The following ERBB4 variants were observed in gnomAD, a reference collection of about 807,000 sequenced individuals.
The protein encoded by ERBB4 is erb-b2 receptor tyrosine kinase 4, also known as receptor tyrosine-protein kinase erbB-4.
A neutral mutation model predicts 158.0 loss-of-function variants in ERBB4; 42 were observed. The observed-to-expected ratio is 0.27, with a 90% CI of 0.21 to 0.34. The LOEUF (loss-of-function observed/expected upper bound fraction) is 0.34. ERBB4 is among the 10% of genes least tolerant of loss of function. ERBB4 has a pLI of 1.00. For missense variants in ERBB4, 1,333 were observed against 1,624.1 expected (o/e 0.82, Z 3.08); for synonymous variants, 583 against 558.7 (o/e 1.04, Z -0.61).
intron 2 of ERBB4, among the ~76,000 whole-genome samples, chr2:211,959,916 A>G (rs2125171263): frequency 6.6e-6 from 1 of 152,196 alleles, no homozygotes; most frequent in East Asian, 1.9e-4. Context: ...CAACGATGGA[A>G]CCATGATTAA....
chr2:212,337,032 A>C (rs937556691), intron 1 of ERBB4, among the ~76,000 whole-genome samples: 2 of 152,102 alleles, frequency 1.3e-5, no homozygotes, highest in African/African-American at 4.8e-5. Flanking sequence ...TAATTCCATC[A>C]GTTTCTTAAG....
chr2:211,978,363 A>AATCT (rs1553523369), intron 2 of ERBB4, among the ~76,000 whole-genome samples: 83 of 135,256 alleles, frequency 6.1e-4, no homozygotes, highest in African/African-American at 2.0e-3. Flanking sequence ...AAGGAGTCTG[A>AATCT]GTCTGTCTGT....
At chr2:212,450,660 T>C (rs1187572434) in intron 1 of ERBB4, among the ~76,000 whole-genome samples, 1 of 152,112 alleles carries the variant, frequency 6.6e-6, no homozygotes, top group South Asian at 2.1e-4. Context: ...ACTATGTTCT[T>C]AGTAATTTGT....
At chr2:211,799,845 G>A (rs921937106) in intron 3 of ERBB4, among the ~76,000 whole-genome samples, 3 of 152,168 alleles carry the variant, frequency 2.0e-5, no homozygotes, top group African/African-American at 7.2e-5. Context: ...CCTGCTTGAT[G>A]ATTTTTCTCC....
At chr2:212,321,326 A>G (rs1346979518) in intron 1 of ERBB4, among the ~76,000 whole-genome samples, 1 of 150,568 alleles carries the variant, frequency 6.6e-6, no homozygotes, top group Non-Finnish European at 1.5e-5. Context: ...AATTCCTACC[A>G]AATACATGTT....
intron 20 of ERBB4, among the ~76,000 whole-genome samples, chr2:211,489,882 A>G (rs943107138): frequency 6.6e-6 from 1 of 152,044 alleles, no homozygotes; most frequent in African/African-American, 2.4e-5. Flanking sequence ...TTGACTTTTA[A>G]AAGTTTATAG....
chr2:212,381,931 C>A (rs2090516529), intron 1 of ERBB4, among the ~76,000 whole-genome samples: 1 of 150,826 alleles, frequency 6.6e-6, no homozygotes, highest in Non-Finnish European at 1.5e-5. Flanking sequence ...AAACAGTTTC[C>A]CATATAACTC....
At chr2:212,395,843 T>C (rs907562135) in intron 1 of ERBB4, among the ~76,000 whole-genome samples, 2 of 152,086 alleles carry the variant, frequency 1.3e-5, no homozygotes, top group African/African-American at 2.4e-5. Context: ...GGTCTCGATC[T>C]CTTGACCTCG....
intron 3 of ERBB4, among the ~76,000 whole-genome samples, chr2:211,860,891 A>T (rs1280590331): frequency 2.1e-5 from 3 of 140,416 alleles, no homozygotes; most frequent in Admixed American, 7.9e-5. Flanking sequence ...AATAAAAAAT[A>T]CAACTCAAAA....
chr2:211,757,899 AC>A (rs1322115921), intron 4 of ERBB4, among the ~76,000 whole-genome samples: 2 of 152,182 alleles, frequency 1.3e-5, no homozygotes, highest in African/African-American at 4.8e-5. Flanking sequence ...GGGTGGGTAG[AC>A]CTATGAGAGT....
intron 1 of ERBB4, among the ~76,000 whole-genome samples, chr2:212,367,201 T>C (rs116023473): frequency 0.018 from 2,688 of 152,198 alleles, 28 homozygotes; most frequent in South Asian, 0.067. Flanking sequence ...TGCCAGCATC[T>C]TGATCTTTGA....
chr2:212,142,928 G>A (rs1575695913), intron 1 of ERBB4, among the ~76,000 whole-genome samples: 1 of 151,788 alleles, frequency 6.6e-6, no homozygotes, highest in Non-Finnish European at 1.5e-5. Flanking sequence ...TAGATGTTTA[G>A]GAACATCTTT....
chr2:212,332,092 T>C (rs1176005112), intron 1 of ERBB4, among the ~76,000 whole-genome samples: 3 of 152,040 alleles, frequency 2.0e-5, no homozygotes, highest in Admixed American at 2.0e-4. Context: ...CCAAATCTCA[T>C]CTTGAATTCC....
chr2:211,549,695 A>T (rs939126589), intron 20 of ERBB4, among the ~76,000 whole-genome samples: 10 of 152,164 alleles, frequency 6.6e-5, no homozygotes, highest in South Asian at 4.1e-4. Flanking sequence ...CAGATTTCAG[A>T]TTCCTGAGCA....
intron 1 of ERBB4, among the ~76,000 whole-genome samples, chr2:212,152,611 C>T (rs903105120): frequency 6.6e-6 from 1 of 152,168 alleles, no homozygotes; most frequent in East Asian, 1.9e-4. Flanking sequence ...ACTTTCATTA[C>T]TTTCTTCATA....
intron 1 of ERBB4, among the ~76,000 whole-genome samples, chr2:212,154,677 G>A (rs2080979742): frequency 6.6e-6 from 1 of 152,068 alleles, no homozygotes; most frequent in East Asian, 1.9e-4. Flanking sequence ...TAATGAGCCT[G>A]CTCTGCAATG....
Position 211,512,341 on chromosome 2 carries a change from T to A in ERBB4, c.2487+49562A>T, listed in dbSNP as rs571534160. On this transcript the variant is annotated intron_variant, in intron 20 of 27. Transcript: ENST00000342788. The stretch of plus-strand genomic sequence containing the variant: ...TATTGCACCATTCTGGGAGACCTTT[T>A]GTAATTAAAATAAATATCAAAGTTT... Among the ~76,000 whole-genome samples the A allele has an allele frequency of 3.3e-5, 5 of 152,186 alleles. No individual in the cohort carries two copies. The East Asian group carries it at 7.7e-4, about 24-fold the overall frequency.
chr2:212,231,096 C>A (rs530808847), intron 1 of ERBB4, among the ~76,000 whole-genome samples: 2 of 152,138 alleles, frequency 1.3e-5, no homozygotes, highest in African/African-American at 4.8e-5. Flanking sequence ...TACCTAAATA[C>A]CTTATTTCAA....
intron 3 of ERBB4, among the ~76,000 whole-genome samples, chr2:211,921,451 T>A (rs569755209): frequency 6.6e-6 from 1 of 152,146 alleles, no homozygotes; most frequent in East Asian, 1.9e-4. Flanking sequence ...AGCCAAAGAT[T>A]ACTCAACTGA....
Sources: allele counts gnomAD v4.1 joint callset (sites outside exome capture counted in the v4.1 genomes callset), GRCh38; gene constraint gnomAD v4.1.1; transcripts MANE v1.5; gene names NCBI Gene and HGNC (gene_info 2026-07-23, HGNC 2026-07-21).